Variants in OSBPL1A observed in about 807,000 individuals in gnomAD.
OSBPL1A encodes the protein oxysterol binding protein like 1A, also known as oxysterol-binding protein-related protein 1.
OSBPL1A carries 80 observed loss-of-function variants against 137.1 expected under a neutral mutation model. The observed-to-expected ratio is 0.58, with a 90% CI of 0.49 to 0.70. The LOEUF (loss-of-function observed/expected upper bound fraction) is 0.70, where lower values mean the gene tolerates loss of function less well. OSBPL1A is among the 30% of genes least tolerant of loss of function. The pLI, the probability that OSBPL1A is intolerant of heterozygous loss-of-function variation, is 0.00. For missense variants in OSBPL1A, 970 were observed against 1,129.4 expected (o/e 0.86, Z 2.02); for synonymous variants, 365 against 389.7 (o/e 0.94, Z 0.75).
At chr18:24,352,555 GA>G (rs1195586318) in intron 4 of OSBPL1A, among the ~76,000 whole-genome samples, 2 of 151,934 alleles carry the variant, frequency 1.3e-5, no homozygotes, top group Non-Finnish European at 2.9e-5. Context: ...CACAGAACTG[GA>G]AAAAACTACT....
At chr18:24,333,221 G>T in intron 6 of OSBPL1A, 135 bp from the exon 7 acceptor site, 1 of 974,732 alleles carries the variant, frequency 1.0e-6, no homozygotes, top group Non-Finnish European at 1.5e-6. Flanking sequence ...GTGGTTTCTT[G>T]CTCACTAAAC....
intron 15 of OSBPL1A, among the ~76,000 whole-genome samples, chr18:24,280,629 T>C (rs1049596128): frequency 3.3e-5 from 5 of 152,232 alleles, no homozygotes. Flanking sequence ...TAAATATGGC[T>C]ACATCAACAA....
chr18:24,176,019 C>T (rs1256103491), intron 21 of OSBPL1A, among the ~76,000 whole-genome samples: 1 of 152,224 alleles, frequency 6.6e-6, no homozygotes, highest in Non-Finnish European at 1.5e-5. Context: ...ATAGTTTGGC[C>T]ACCACCACAC....
intron 1 of OSBPL1A, among the ~76,000 whole-genome samples, chr18:24,386,888 T>C (rs1350223737): frequency 1.3e-5 from 2 of 151,184 alleles, no homozygotes; most frequent in Non-Finnish European, 2.9e-5. Context: ...GCCAGGGAGG[T>C]CAAAGCTACA....
intron 21 of OSBPL1A, among the ~76,000 whole-genome samples, chr18:24,175,108 G>GTATATATATATATATATA (rs71163664): frequency 2.7e-5 from 3 of 111,528 alleles, no homozygotes; most frequent in Non-Finnish European, 5.0e-5. Flanking sequence ...CCATGTGTAT[G>GTATATATATATATATATA]TATATATATA....
At chr18:24,201,710 C>A (rs2087226112) in intron 17 of OSBPL1A, among the ~76,000 whole-genome samples, 1 of 152,018 alleles carries the variant, frequency 6.6e-6, no homozygotes, top group Admixed American at 6.6e-5. Flanking sequence ...TTGCAGTGAG[C>A]TGAGGCTGTG....
intron 21 of OSBPL1A, among the ~76,000 whole-genome samples, chr18:24,177,164 A>C (rs962764992): frequency 3.9e-5 from 6 of 152,230 alleles, no homozygotes; most frequent in African/African-American, 1.4e-4. Flanking sequence ...TGCCACAGCC[A>C]CCATCGCAGC....
intron 15 of OSBPL1A, among the ~76,000 whole-genome samples, chr18:24,249,156 A>T (rs1056574528): frequency 2.6e-5 from 4 of 152,224 alleles, no homozygotes; most frequent in African/African-American, 9.6e-5. Flanking sequence ...TCATATGAGG[A>T]ACTTCCACAG....
chr18:24,277,867 T>C (rs2089879189), intron 15 of OSBPL1A, among the ~76,000 whole-genome samples: 1 of 152,258 alleles, frequency 6.6e-6, no homozygotes, highest in African/African-American at 2.4e-5. Flanking sequence ...AAGTGTTTCA[T>C]GGAGTTGATA....
At chr18:24,239,621 A>G (rs575322869) in intron 15 of OSBPL1A, among the ~76,000 whole-genome samples, 1 of 152,286 alleles carries the variant, frequency 6.6e-6, no homozygotes, top group East Asian at 1.9e-4. Flanking sequence ...TAGCAAATAA[A>G]TTCAGCTCAA....
intron 17 of OSBPL1A, 41 bp downstream of exon 17, chr18:24,225,001 C>A (rs201376593): frequency 6.2e-7 from 1 of 1,609,300 alleles, no homozygotes; most frequent in East Asian, 2.2e-5. Context: ...TGTACTTTAT[C>A]GTAAAAACGC....
chr18:24,365,653 C>G (rs1194855586), intron 4 of OSBPL1A, among the ~76,000 whole-genome samples: 1 of 151,646 alleles, frequency 6.6e-6, no homozygotes, highest in Non-Finnish European at 1.5e-5. Context: ...TCAGTGGTAC[C>G]CTGGGGCATG....
At chr18:24,167,100 A>G (rs2086160834) in intron 25 of OSBPL1A, among the ~76,000 whole-genome samples, 1 of 152,210 alleles carries the variant, frequency 6.6e-6, no homozygotes, top group Non-Finnish European at 1.5e-5. Flanking sequence ...GCCCCAGTGA[A>G]GTCCTAACCC....
At chr18:24,240,415 C>G (rs1259647) in intron 15 of OSBPL1A, among the ~76,000 whole-genome samples, 91,477 of 152,052 alleles carry the variant, frequency 0.6, 28,235 homozygotes, top group East Asian at 0.93. Context: ...AAACCCTCTA[C>G]AATTCAAGTC....
chr18:24,379,424 G>A (rs147397088), intron 1 of OSBPL1A, among the ~76,000 whole-genome samples: 1 of 152,150 alleles, frequency 6.6e-6, no homozygotes, highest in African/African-American at 2.4e-5. Flanking sequence ...GGAGGCTGAG[G>A]CAGGAGAATC....
chr18:24,318,554 A>G (rs1447389016), intron 9 of OSBPL1A, 47 bp downstream of exon 9: 6 of 1,470,134 alleles, frequency 4.1e-6, no homozygotes, highest in Non-Finnish European at 5.6e-6. Context: ...AGAGCACCTG[A>G]GAATTATTCT....
At chr18:24,169,840 G>T (rs1244369942) in intron 24 of OSBPL1A, among the ~76,000 whole-genome samples, 1 of 152,198 alleles carries the variant, frequency 6.6e-6, no homozygotes, top group African/African-American at 2.4e-5. Flanking sequence ...ATCCCACAAA[G>T]AAGAAAGTTT....
intron 7 of OSBPL1A, among the ~76,000 whole-genome samples, chr18:24,325,021 C>T (rs1372180881): frequency 1.4e-5 from 2 of 143,724 alleles, no homozygotes; most frequent in Admixed American, 7.0e-5. Flanking sequence ...AGGAGGTGGA[C>T]GTTGCAATGA....
At chr18:24,336,287 C>A (rs1283279328) in intron 5 of OSBPL1A, among the ~76,000 whole-genome samples, 3 of 152,174 alleles carry the variant, frequency 2.0e-5, no homozygotes, top group African/African-American at 7.2e-5. Flanking sequence ...GAAAAGATAC[C>A]CTATTGTTTC....
Sources: gnomAD v4.1 joint callset for allele counts (sites outside exome capture counted in the v4.1 genomes callset) on GRCh38, gnomAD v4.1.1 for gene constraint, MANE v1.5 for transcripts, NCBI Gene and HGNC (gene_info 2026-07-23, HGNC 2026-07-21) for gene names.